Variants in A4GNT observed in about 807,000 individuals in gnomAD.
A4GNT encodes the protein alpha-1,4-N-acetylglucosaminyltransferase.
Under a neutral mutation model 8.3 loss-of-function variants are expected in A4GNT, and 6 were observed. The ratio of observed to expected loss-of-function variants is 0.72; its 90% CI spans 0.39 to 1.42. A4GNT has a LOEUF of 1.42. A4GNT is among the 40% of genes most tolerant of loss of function. A4GNT has a pLI of 0.02. For synonymous variants in A4GNT, 157 were observed against 159.8 expected, an observed-to-expected ratio of 0.98 and a Z score of 0.13; for missense variants, 377 against 417.0, an observed-to-expected ratio of 0.90 and a Z score of 0.84.
At chr3:138,130,742 G>C in intron 2 of A4GNT, 107 bp downstream of exon 2, 1 of 1,240,690 alleles carries the variant, frequency 8.1e-7, no homozygotes, top group Non-Finnish European at 1.1e-6. Context: ...GGCCAAATGA[G>C]AGTCAACCCA....
Position 138,131,100 on chromosome 3 carries a change from C to A in A4GNT, c.157G>T (p.Val53Leu), listed in dbSNP as rs1383907114. 6.2e-7 allele frequency: 1 copy of A among 1,613,448 alleles called. No individual in the cohort carries two copies. The highest frequency in any genetic ancestry group is 8.5e-7 in the Non-Finnish European group (1 of 1,179,640). The change falls in exon 2 of 3, where the codon GTG becomes TTG. Residue 53 changes from valine (V) to leucine (L), a missense_variant. Transcript: ENST00000236709. ...EALLSHRRGI[V>L]FLETSERMEP... ...ATTCTCTCTGAGGTCTCTAGAAACA[C>A]AATGCCACGTCTGTGGCTCAGGAGG...
intron 2 of A4GNT, among the ~76,000 whole-genome samples, 173 bp downstream of exon 2, chr3:138,130,676 A>T (rs114032788): frequency 0.019 from 2,939 of 152,320 alleles, 41 homozygotes; most frequent in Middle Eastern, 0.037. Context: ...ATAAAGATGC[A>T]CCTAATGTAA....
chr3:138,126,671 C>T (rs2042746344), intron 2 of A4GNT, among the ~76,000 whole-genome samples: 1 of 147,908 alleles, frequency 6.8e-6, no homozygotes, highest in East Asian at 2.0e-4. Flanking sequence ...ACTACAAATA[C>T]AAAAATTAGC....
At chr3:138,127,726 G>A (rs539456801) in intron 2 of A4GNT, among the ~76,000 whole-genome samples, 3 of 152,196 alleles carry the variant, frequency 2.0e-5, no homozygotes, top group Non-Finnish European at 4.4e-5. Flanking sequence ...CAATAGCCCA[G>A]ATCAGTGCAG....
At chr3:138,132,762 A>G (rs2042785438), upstream of A4GNT, among the ~76,000 whole-genome samples, 2 of 152,222 alleles carry the variant, frequency 1.3e-5, no homozygotes, top group Admixed American at 1.3e-4. Flanking sequence ...CTTTGCAAGC[A>G]CAAAGTTTGA....
chr3:138,129,547 G>A (rs2042764305), intron 2 of A4GNT, among the ~76,000 whole-genome samples: 1 of 152,154 alleles, frequency 6.6e-6, no homozygotes, highest in African/African-American at 2.4e-5. Context: ...GGGACTTCTG[G>A]CCTCCAGAAC....
chr3:138,124,154 G>C lies in A4GNT; in HGVS notation c.*110C>G. 7.0e-7 allele frequency: 1 copy of C among 1,427,024 alleles called. No individual in the cohort carries two copies. The highest frequency in any genetic ancestry group is 9.4e-7 in the Non-Finnish European group (1 of 1,059,214). 88.4% of individuals were successfully genotyped at this position (1,427,024 alleles called of 1,614,324 possible). A position where few individuals can be genotyped will look rare whatever the true frequency, so the allele number is the denominator to read the frequency against. ...AAAGCTAATCCTAACTGACATTTGA[G>C]AGGCAACCCTCTGCCCACCCCGCCA... On this transcript the variant is annotated 3_prime_UTR_variant, in exon 3 of 3. Coordinates refer to ENST00000236709, the MANE Select transcript of A4GNT (RefSeq NM_016161.3).
chr3:138,132,421 C>T (rs1367524998), upstream of A4GNT: 1 of 152,198 alleles, frequency 6.6e-6, no homozygotes, highest in African/African-American at 2.4e-5. Flanking sequence ...TCTGATAAAT[C>T]ACCACCCAAT....
At chr3:138,124,960 G>T (rs2042737254) in intron 2 of A4GNT, 82 bp from the exon 3 acceptor site, 1 of 1,503,754 alleles carries the variant, frequency 6.7e-7, no homozygotes, top group South Asian at 1.3e-5. Context: ...GCCCAGAGAG[G>T]CTGGGGAGGG....
intron 2 of A4GNT, among the ~76,000 whole-genome samples, chr3:138,129,558 T>C (rs1194514330): frequency 1.3e-5 from 2 of 152,186 alleles, no homozygotes; most frequent in Admixed American, 1.3e-4. Context: ...CCTCCAGAAC[T>C]GTGAGAGAAT....
At chr3:138,128,835 C>T (rs1450643517) in intron 2 of A4GNT, among the ~76,000 whole-genome samples, 1 of 152,018 alleles carries the variant, frequency 6.6e-6, no homozygotes, top group Non-Finnish European at 1.5e-5. Context: ...GTGCCACCTG[C>T]TTGTTGGGAA....
chr3:138,124,222 T>A lies in A4GNT; in HGVS notation c.*42A>T. The A allele has an allele frequency of 1.9e-6, 3 of 1,572,582 alleles. No homozygotes were observed. Among genetic ancestry groups the A allele is most frequent in the Non-Finnish European group, 2.6e-6 (3 of 1,157,026 alleles). Reference sequence around the variant, plus strand: ...AGTGAAAATGTGGCACTCCAGGAAATGTCCATTTCCACACTGCAGCAGCAG... The same window carrying A: ...AGTGAAAATGTGGCACTCCAGGAAAAGTCCATTTCCACACTGCAGCAGCAG... On this transcript the variant is annotated 3_prime_UTR_variant, in exon 3 of 3. Coordinates refer to ENST00000236709, the MANE Select transcript of A4GNT (RefSeq NM_016161.3).
chr3:138,129,621 G>A (rs990233368), intron 2 of A4GNT, among the ~76,000 whole-genome samples: 3 of 152,106 alleles, frequency 2.0e-5, no homozygotes, highest in Admixed American at 6.5e-5. Context: ...TACAACAGAC[G>A]GAAGAAACTA....
rs1393055357 is a variant in A4GNT, at chr3:138,124,621, G to A, written c.666C>T (p.Asn222=). Residue 222 remains asparagine (N), a synonymous_variant, in exon 3 of 3, where the codon AAC becomes AAT. Coordinates refer to ENST00000236709, the MANE Select transcript of A4GNT (RefSeq NM_016161.3). Reference sequence around the variant, plus strand: ...TCCTTGTCATCAACTCAGGGCCTTGGTTGCCCCAAATGGCTGAATTATAGT... The same window carrying A: ...TCCTTGTCATCAACTCAGGGCCTTGATTGCCCCAAATGGCTGAATTATAGT... The part of the protein sequence containing the change: ...VEHYNSAIWG[N]QGPELMTRML... 1.2e-6 allele frequency: 2 copies of A among 1,614,084 alleles called. No individual in the cohort carries two copies. The highest frequency in any genetic ancestry group is 8.5e-7 in the Non-Finnish European group (1 of 1,180,056).
Position 138,124,797 on chromosome 3 carries a change from T to C in A4GNT, c.490A>G (p.Ile164Val). The change falls in exon 3 of 3, where the codon ATC (isoleucine) becomes GTC (valine). Residue 164 changes from isoleucine to valine, a missense_variant. Ile to Val is a conservative substitution (Grantham distance 29, BLOSUM62 3). Coordinates refer to ENST00000236709, the MANE Select transcript of A4GNT (RefSeq NM_016161.3). Reference protein sequence around the residue: ...RLAIIWKYGGIYMDTDVISIR... With the variant: ...RLAIIWKYGGVYMDTDVISIR... The stretch of plus-strand genomic sequence containing the variant: ...GAGATGACATCGGTGTCCATGTAGA[T>C]GCCACCGTATTTCCAGATGATGGCC... 1 of 1,614,162 alleles carries C rather than the reference T, an allele frequency of 6.2e-7. No homozygotes were observed.
chr3:138,133,000 G>A (rs1311333146), upstream of A4GNT, among the ~76,000 whole-genome samples: 2 of 152,138 alleles, frequency 1.3e-5, no homozygotes, highest in Non-Finnish European at 2.9e-5. Context: ...ATTTCCCAAG[G>A]TGTTAGCACT....
chr3:138,126,962 T>G (rs1339981979), intron 2 of A4GNT, among the ~76,000 whole-genome samples: 5 of 149,076 alleles, frequency 3.4e-5, no homozygotes, highest in Admixed American at 2.7e-4. Flanking sequence ...AAACCCTATC[T>G]CTACTAAAAA....
chr3:138,132,924 G>T (rs1257735483), upstream of A4GNT, among the ~76,000 whole-genome samples: 1 of 152,200 alleles, frequency 6.6e-6, no homozygotes, highest in Non-Finnish European at 1.5e-5. Context: ...CCCTTATGGG[G>T]TATAAGCCTC....
At chr3:138,124,923 G>T in intron 2 of A4GNT, 45 bp from the exon 3 acceptor site, 1 of 1,582,418 alleles carries the variant, frequency 6.3e-7, no homozygotes, top group African/African-American at 1.3e-5. Context: ...CAGGGGAAGA[G>T]GGAGGGGCAT....
Sources: gnomAD v4.1 joint callset for allele counts (sites outside exome capture counted in the v4.1 genomes callset) on GRCh38, gnomAD v4.1.1 for gene constraint, MANE v1.5 for transcripts, NCBI Gene and HGNC (gene_info 2026-07-23, HGNC 2026-07-21) for gene names.